KNG1: variants seen among roughly 807,000 people sequenced by gnomAD.
KNG1 encodes the protein kininogen-1.
KNG1 carries 23 observed loss-of-function variants against 47.8 expected under a neutral mutation model. The ratio of observed to expected loss-of-function variants is 0.48; its 90% CI spans 0.35 to 0.68. KNG1 has a LOEUF of 0.68. Among genes scored for constraint, KNG1 ranks in the 30% least tolerant of loss-of-function variants. KNG1 has a pLI of 0.01. For missense variants in KNG1, 762 were observed against 790.2 expected (o/e 0.96, Z 0.43); for synonymous variants, 277 against 277.0 (o/e 1.00, Z 0.00).
At position 186,742,719 on chromosome 3, in the gene KNG1, G is replaced by A; in HGVS notation, c.*388G>A. ...TGTGGCACTTGGTATTTGAATGTGTGTGAAAATAAGGGAAGTCAAGAGATT... is the reference window on the plus strand; with the variant it reads ...TGTGGCACTTGGTATTTGAATGTGTATGAAAATAAGGGAAGTCAAGAGATT... On this transcript the variant is annotated 3_prime_UTR_variant, in exon 10 of 10. Coordinates refer to ENST00000644859, the MANE Select transcript of KNG1 (RefSeq NM_001102416.3). 1 of 1,034,718 alleles carries A rather than the reference G, an allele frequency of 9.7e-7. No homozygotes were observed. The highest frequency in any genetic ancestry group is 5.1e-5 in the Admixed American group (1 of 19,436). The allele number at this position is 1,034,718 out of a possible 1,614,324, so 64.1% of individuals were successfully genotyped here.
At chr3:186,722,398 G>T in intron 2 of KNG1, 39 bp from the exon 3 acceptor site, 1 of 1,522,834 alleles carries the variant, frequency 6.6e-7, no homozygotes, top group Admixed American at 1.7e-5. Flanking sequence ...TTTCCCATCT[G>T]AAAGATTAAG....
chr3:186,722,877 C>T (rs2108620855), intron 3 of KNG1, among the ~76,000 whole-genome samples: 1 of 152,300 alleles, frequency 6.6e-6, no homozygotes, highest in South Asian at 2.1e-4. Context: ...TTCAGAGCTC[C>T]TTGCCTTCTT....
intron 8 of KNG1, 21 bp downstream of exon 8, chr3:186,739,227 C>T (rs757046049): frequency 6.9e-6 from 11 of 1,597,994 alleles, no homozygotes; most frequent in Non-Finnish European, 7.7e-6. Flanking sequence ...ATGCACCTGT[C>T]TACTTTTTCA....
intron 2 of KNG1, chr3:186,722,234 A>C: frequency 1.8e-6 from 1 of 570,846 alleles, no homozygotes; most frequent in Non-Finnish European, 3.1e-6. Context: ...TTCCTCCAGC[A>C]TCTCATGAAT....
At position 186,732,552 on chromosome 3, in the gene KNG1, G is replaced by A. The variant is rs780690216; in HGVS notation, c.808G>A (p.Asp270Asn). 2 of 1,614,164 alleles carry A rather than the reference G, an allele frequency of 1.2e-6. No individual in the cohort carries two copies. Among genetic ancestry groups the A allele is most frequent in the African/African-American group, 1.3e-5 (1 of 75,024 alleles). Residue 270 changes from aspartate to asparagine, a missense_variant, in exon 7 of 10, where the codon GAT becomes AAT. By Grantham distance (23) the Asp-to-Asn change is conservative. Transcript: ENST00000644859. The stretch of plus-strand genomic sequence containing the variant: ...CAAGATTTGCGTGGGCTGCCCCAGA[G>A]ATATACCCACCAACAGCCCAGAGCT... ...PTKICVGCPR[D>N]IPTNSPELEE...
At chr3:186,731,371 G>T (rs1720528377) in intron 5 of KNG1, among the ~76,000 whole-genome samples, 174 bp from the exon 6 acceptor site, 1 of 152,076 alleles carries the variant, frequency 6.6e-6, no homozygotes, top group Admixed American at 6.5e-5. Flanking sequence ...TGATGCTATT[G>T]ATACTATTAC....
rs201869819 is a variant in KNG1 at position 186,717,736 on chromosome 3, C to T, written c.194C>T (p.Thr65Met). Residue 65 changes from threonine to methionine, a missense_variant and splice_region_variant, in exon 1 of 10, where the codon ACG becomes ATG. Transcript: ENST00000644859. The stretch of plus-strand genomic sequence containing the variant: ...TACCGCATAACTGAAGCCACTAAGA[C>T]GGTGAGTGAATTGTGTTTAACCTTG... The part of the protein sequence containing the change: ...VLYRITEATK[T>M]VGSDTFYSFK... The T allele has an allele frequency of 6.5e-5, 104 of 1,610,410 alleles. No individual in the cohort carries two copies. The highest frequency in any genetic ancestry group is 1.1e-4 in the East Asian group (5 of 44,876).
At chr3:186,731,456 C>T (rs151202909) in intron 5 of KNG1, 89 bp from the exon 6 acceptor site, 28 of 768,544 alleles carry the variant, frequency 3.6e-5, no homozygotes, top group African/African-American at 6.9e-5. Context: ...GGAAAGTACA[C>T]GTCCTATTCT....
In KNG1 at chr3:186,742,203, A is replaced by G. The variant is rs1720834333; in HGVS notation, c.1807A>G (p.Ile603Val). ...CCCAAATGGCCTTTCATTTAACCCAATATCAGATTTTCCAGACACGACCTC... is the reference window on the plus strand; with the variant it reads ...CCCAAATGGCCTTTCATTTAACCCAGTATCAGATTTTCCAGACACGACCTC... ...IDPNGLSFNP[I>V]SDFPDTTSPK... Residue 603 changes from isoleucine to valine, a missense_variant, in exon 10 of 10, where the codon ATA becomes GTA. Coordinates refer to ENST00000644859, the MANE Select transcript of KNG1 (RefSeq NM_001102416.3). 1 of 1,614,130 alleles carries G rather than the reference A, an allele frequency of 6.2e-7. No homozygotes were observed. The highest frequency in any genetic ancestry group is 8.5e-7 in the Non-Finnish European group (1 of 1,180,018).
At chr3:186,728,808 CG>C (rs2108626748) in intron 5 of KNG1, 1 of 152,232 alleles carries the variant, frequency 6.6e-6, no homozygotes, top group African/African-American at 2.4e-5. Flanking sequence ...CCCGCTGCAA[CG>C]CCAGGCTAAT....
chr3:186,720,706 A>C, intron 2 of KNG1: 1 of 167,318 alleles, frequency 6.0e-6, no homozygotes, highest in Non-Finnish European at 1.3e-5. Context: ...AATTATGCAA[A>C]TAACTTTGAT....
At chr3:186,720,785 T>TTTTTC in intron 2 of KNG1, among the ~76,000 whole-genome samples, 1 of 112,892 alleles carries the variant, frequency 8.9e-6, no homozygotes, top group Admixed American at 8.5e-5. Flanking sequence ...GTTGTTTTGC[T>TTTTTC]TTTTTTTTTT....
rs5030079 is a variant in KNG1, at chr3:186,740,054, A to G, written c.1125+640A>G. Among the ~76,000 whole-genome samples the G allele has an allele frequency of 9.0e-3, 1,363 of 152,214 alleles. 11 individuals are homozygous for G. The highest frequency in any genetic ancestry group is 0.013 in the Non-Finnish European group (864 of 67,986). Reference sequence around the variant, plus strand: ...CAAAGAGCGAAACTTTGTCTCAAAAAAAAAAAAAGAAAAGAAAAATTCAGA... The same window carrying G: ...CAAAGAGCGAAACTTTGTCTCAAAAGAAAAAAAAGAAAAGAAAAATTCAGA... On this transcript the variant is annotated intron_variant, in intron 9 of 9. Coordinates refer to ENST00000644859, the MANE Select transcript of KNG1 (RefSeq NM_001102416.3).
chr3:186,720,155 T>C lies in KNG1; in HGVS notation c.246T>C (p.Asp82=), dbSNP rs5029980. The C allele has an allele frequency of 0.11, 185,180 of 1,612,260 alleles. 11,341 individuals carry two copies. The highest frequency in any genetic ancestry group is 0.15 in the Admixed American group (8,780 of 59,982). ...TCAAGTACGAAATCAAGGAGGGGGA[T>C]TGTCCTGTTCAAAGTGGCAAAACCT... ...YSFKYEIKEG[D]CPVQSGKTWQ... is the part of the protein sequence containing the mutation. The change falls in exon 2 of 10, where the codon GAT becomes GAC. Residue 82 remains aspartate (D), a synonymous_variant. Transcript: ENST00000644859.
chr3:186,740,272 G>A (rs74494490), intron 9 of KNG1, among the ~76,000 whole-genome samples: 1 of 152,188 alleles, frequency 6.6e-6, no homozygotes. Flanking sequence ...CTGAGGTCCT[G>A]AGTGAATAAT....
rs771552161 is a variant in KNG1 at position 186,741,713 on chromosome 3, T to C, written c.1317T>C (p.His439=). The C allele has an allele frequency of 6.2e-7, 1 of 1,613,968 alleles. No individual in the cohort carries two copies. The highest frequency in any genetic ancestry group is 1.3e-5 in the African/African-American group (1 of 74,896). ...HDWGHEKQRK[H]NLGHGHKHER... ...GGGGCCATGAAAAACAAAGAAAACATAATCTTGGCCATGGCCATAAACATG... is the reference window on the plus strand; with the variant it reads ...GGGGCCATGAAAAACAAAGAAAACACAATCTTGGCCATGGCCATAAACATG... Residue 439 remains histidine (H), a synonymous_variant, in exon 10 of 10, where the codon CAT becomes CAC. Transcript: ENST00000644859.
At chr3:186,730,376 G>C (rs1370958675) in intron 5 of KNG1, among the ~76,000 whole-genome samples, 1 of 151,714 alleles carries the variant, frequency 6.6e-6, no homozygotes, top group Admixed American at 6.6e-5. Context: ...ATATTTGTAT[G>C]ATACTGGCCG....
chr3:186,724,884 T>C (rs977972303), intron 3 of KNG1, among the ~76,000 whole-genome samples: 1 of 152,080 alleles, frequency 6.6e-6, no homozygotes, highest in Non-Finnish European at 1.5e-5. Flanking sequence ...TGTAATTTTG[T>C]ATTTTTAGGA....
In KNG1 at chr3:186,731,580, T is replaced by C. The variant is rs760062162; in HGVS notation, c.708T>C (p.Asp236=). The change falls in exon 6 of 10, where the codon GAT becomes GAC. Residue 236 remains aspartate, a synonymous_variant. Transcript: ENST00000644859. ...TGECTDNAYI[D]IQLRIASFSQ... is the part of the protein sequence containing the mutation. ...AATGTACAGATAATGCATACATCGA[T>C]ATTCAGCTACGAATTGCTTCCTTCT... is the stretch of plus-strand genomic sequence containing the variant. 1.1e-5 allele frequency: 18 copies of C among 1,612,376 alleles called. No individual in the cohort carries two copies. The highest frequency in any genetic ancestry group is 1.5e-5 in the Non-Finnish European group (18 of 1,178,372).
Sources: gnomAD v4.1 joint callset for allele counts (sites outside exome capture counted in the v4.1 genomes callset) on GRCh38, gnomAD v4.1.1 for gene constraint, MANE v1.5 for transcripts, NCBI Gene and HGNC (gene_info 2026-07-23, HGNC 2026-07-21) for gene names.